DTX4: variants seen among roughly 807,000 people sequenced by gnomAD.
DTX4 encodes deltex E3 ubiquitin ligase 4.
A neutral mutation model predicts 57.6 loss-of-function variants in DTX4; 28 were observed. The observed-to-expected ratio is 0.49, with a 90% CI of 0.36 to 0.67. The LOEUF (loss-of-function observed/expected upper bound fraction) is 0.67, where lower values mean the gene tolerates loss of function less well. Ranked by LOEUF, DTX4 falls within the 30% of genes least tolerant of loss-of-function variation. The pLI is 0.00. For missense variants in DTX4, 715 were observed against 836.8 expected (o/e 0.85, Z 1.80); for synonymous variants, 316 against 331.0 (o/e 0.95, Z 0.49).
At position 59,188,753 on chromosome 11, in the gene DTX4, G is replaced by A. The variant is rs1364540002; in HGVS notation, c.954G>A (p.Val318=). Residue 318 remains valine (V), a synonymous_variant, in exon 3 of 9, where the codon GTG becomes GTA. Transcript: ENST00000227451. ...TTCACAGGGTCCCCACAGTCCCAGT[G>A]AAGAACCTAAATGGGTCCAGTCCTG... The part of the protein sequence containing the change: ...LIASGVPTVP[V]KNLNGSSPVN... 2 of 1,614,020 alleles carry A rather than the reference G, an allele frequency of 1.2e-6. No individual in the cohort carries two copies. Among genetic ancestry groups the A allele is most frequent in the Admixed American group, 1.7e-5 (1 of 60,026 alleles).
In DTX4 at chr11:59,172,805, G is replaced by A; in HGVS notation, c.210G>A (p.Thr70=). Residue 70 remains threonine, a splice_region_variant and synonymous_variant, in exon 1 of 9, where the codon ACG becomes ACA. Coordinates refer to ENST00000227451, the MANE Select transcript of DTX4 (RefSeq NM_015177.2). The part of the protein sequence containing the change: ...LQSMNQFRQD[T]GTLRPVRRNY... ...CCATGAACCAGTTCCGCCAAGACAC[G>A]GGTGAGCCAGCCGCCCCTGACCCCG... is the stretch of plus-strand genomic sequence containing the variant. 1 of 1,557,204 alleles carries A rather than the reference G, an allele frequency of 6.4e-7. No individual in the cohort carries two copies. Among genetic ancestry groups the A allele is most frequent in the African/African-American group, 1.4e-5 (1 of 72,026 alleles).
In DTX4 at chr11:59,206,443, GTGTT is replaced by G. The variant is rs1052443300; in HGVS notation, c.*1537_*1540del. 5.9e-5 allele frequency: 9 copies of G among 152,118 alleles called. No homozygotes were observed. The highest frequency in any genetic ancestry group is 2.2e-4 in the African/African-American group (9 of 41,186). The allele number at this position is 152,118 out of a possible 1,614,324, so 9.4% of individuals were successfully genotyped here. ...TTTGAAAGTGGGTTCTTTGAACTAT[GTGTT>G]TGGGGGAAGTTCCTCTGGATACTAA... On this transcript the variant is annotated 3_prime_UTR_variant, in exon 9 of 9. Transcript: ENST00000227451.
intron 6 of DTX4, 48 bp from the exon 7 acceptor site, chr11:59,195,160 T>C: frequency 4.4e-6 from 7 of 1,607,790 alleles, no homozygotes; most frequent in Non-Finnish European, 6.0e-6. Flanking sequence ...GGGAAAGTTA[T>C]TACCAAAACT....
At chr11:59,190,155 A>G (rs887339219) in intron 4 of DTX4, among the ~76,000 whole-genome samples, 4 of 152,206 alleles carry the variant, frequency 2.6e-5, no homozygotes, top group African/African-American at 9.7e-5. Flanking sequence ...TGCATGATCC[A>G]CTTCCTCAAA....
At chr11:59,199,874 C>A in intron 8 of DTX4, 101 bp downstream of exon 8, 1 of 936,578 alleles carries the variant, frequency 1.1e-6, no homozygotes, top group Non-Finnish European at 1.6e-6. Context: ...ATGCACAGAC[C>A]AAAGAGAACT....
chr11:59,179,671 T>C (rs868640991), intron 1 of DTX4, among the ~76,000 whole-genome samples: 14 of 152,190 alleles, frequency 9.2e-5, no homozygotes, highest in African/African-American at 3.4e-4. Context: ...CTCATTCTTC[T>C]TGGGTGTGGG....
intron 6 of DTX4, 96 bp downstream of exon 6, chr11:59,192,346 T>G: frequency 6.9e-7 from 1 of 1,458,978 alleles, no homozygotes; most frequent in Non-Finnish European, 9.5e-7. Flanking sequence ...TCAAGTGATC[T>G]GGGAAGTCTT....
chr11:59,182,231 C>G lies in DTX4; in HGVS notation c.704C>G (p.Ser235Cys). 1 of 1,609,876 alleles carries G rather than the reference C, an allele frequency of 6.2e-7. No individual in the cohort carries two copies. The highest frequency in any genetic ancestry group is 8.5e-7 in the Non-Finnish European group (1 of 1,177,864). Residue 235 changes from serine to cysteine, a missense_variant, in exon 2 of 9, where the codon TCT becomes TGT. By Grantham distance (112) the Ser-to-Cys change is moderately radical (BLOSUM62 -1). Transcript: ENST00000227451. ...GVVKLPPLPG[S>C]GAKPLDSTGT... is the part of the protein sequence containing the mutation. ...GTCAAGCTACCCCCACTGCCAGGCT[C>G]TGGGGCCAAGCCACTGGACAGCACA...
chr11:59,185,528 T>C lies in DTX4; in HGVS notation c.935+3066T>C, dbSNP rs57227212. On this transcript the variant is annotated intron_variant, in intron 2 of 8. Coordinates refer to ENST00000227451, the MANE Select transcript of DTX4 (RefSeq NM_015177.2). ...GGCTGATGGAGTTGCCTGAAGGATGTGAGATGCATGCCTGCCATTGGGTTG... is the reference window on the plus strand; with the variant it reads ...GGCTGATGGAGTTGCCTGAAGGATGCGAGATGCATGCCTGCCATTGGGTTG... Among the ~76,000 whole-genome samples the C allele has an allele frequency of 6.4e-3, 968 of 152,210 alleles. 10 individuals carry two copies. Among genetic ancestry groups the C allele is most frequent in the African/African-American group, 0.022 (893 of 41,520 alleles).
chr11:59,193,619 G>C (rs1444422421), intron 6 of DTX4, among the ~76,000 whole-genome samples: 1 of 151,944 alleles, frequency 6.6e-6, no homozygotes, highest in African/African-American at 2.4e-5. Context: ...TATTTCCATG[G>C]GGCTTTCAAA....
chr11:59,200,181 C>G (rs200052499), intron 8 of DTX4, among the ~76,000 whole-genome samples: 1 of 152,084 alleles, frequency 6.6e-6, no homozygotes, highest in Admixed American at 6.6e-5. Context: ...AAGGGGAAAC[C>G]CCTTATAAAA....
chr11:59,195,681 A>G (rs1862657686), intron 7 of DTX4, among the ~76,000 whole-genome samples: 1 of 152,036 alleles, frequency 6.6e-6, no homozygotes, highest in Non-Finnish European at 1.5e-5. Context: ...TAGTCTGTAG[A>G]TCTTTCCACA....
chr11:59,190,366 C>A (rs769908925), intron 4 of DTX4, among the ~76,000 whole-genome samples: 1 of 152,202 alleles, frequency 6.6e-6, no homozygotes, highest in Non-Finnish European at 1.5e-5. Flanking sequence ...CAAAGCAACC[C>A]TTTGAGGTAG....
At chr11:59,181,265 T>C (rs951905252) in intron 1 of DTX4, among the ~76,000 whole-genome samples, 1 of 152,190 alleles carries the variant, frequency 6.6e-6, no homozygotes, top group Non-Finnish European at 1.5e-5. Context: ...CCTTAGTGCA[T>C]TCATAGGGTT....
At chr11:59,187,949 T>C (rs1250432341) in intron 2 of DTX4, among the ~76,000 whole-genome samples, 3 of 152,258 alleles carry the variant, frequency 2.0e-5, no homozygotes, top group Non-Finnish European at 4.4e-5. Flanking sequence ...TTGCTACATC[T>C]GCAGCTTCTC....
In DTX4 at chr11:59,208,212, A is replaced by G. The variant is rs1480956510; in HGVS notation, c.*3303A>G. On this transcript the variant is annotated 3_prime_UTR_variant, in exon 9 of 9. Transcript: ENST00000227451. Reference sequence around the variant, plus strand: ...GTTGGCCTTCTGCTGTTTGTAGATTAGTGCACCTATCTGTGAGGGATTTGG... The same window carrying G: ...GTTGGCCTTCTGCTGTTTGTAGATTGGTGCACCTATCTGTGAGGGATTTGG... 6.6e-6 allele frequency: 1 copy of G among 152,562 alleles called. No homozygotes were observed. Among genetic ancestry groups the G allele is most frequent in the Non-Finnish European group, 1.5e-5 (1 of 68,026 alleles). The allele number at this position is 152,562 out of a possible 1,614,324, so 9.5% of individuals were successfully genotyped here.
intron 1 of DTX4, among the ~76,000 whole-genome samples, chr11:59,177,159 G>T (rs1225810571): frequency 6.6e-6 from 1 of 152,098 alleles, no homozygotes; most frequent in African/African-American, 2.4e-5. Context: ...GCACCTAATA[G>T]GTACAGGCAC....
intron 2 of DTX4, chr11:59,185,189 C>T (rs1239359123): frequency 6.6e-6 from 1 of 152,198 alleles, no homozygotes; most frequent in East Asian, 1.9e-4. Context: ...CTAGCCCCCT[C>T]CTCTAGAGCT....
In DTX4 at chr11:59,204,981, TAGA is replaced by T. The variant is rs892811624; in HGVS notation, c.*78_*80del. Reference sequence around the variant, plus strand: ...AGGAAGTGAGGAGAGTGAGTCAATGTAGAAGAAGTTGGTGTCCTGCCCTCCCAA... The same window carrying T: ...AGGAAGTGAGGAGAGTGAGTCAATGTAGAAGTTGGTGTCCTGCCCTCCCAA... On this transcript the variant is annotated 3_prime_UTR_variant, in exon 9 of 9. Coordinates refer to ENST00000227451, the MANE Select transcript of DTX4 (RefSeq NM_015177.2). The T allele has an allele frequency of 3.1e-5, 43 of 1,382,544 alleles. No individual in the cohort carries two copies. In the African/African-American group the frequency reaches 5.7e-4, roughly 18 times the overall value. 85.6% of individuals were successfully genotyped at this position (1,382,544 alleles called of 1,614,324 possible). A position where few individuals can be genotyped will look rare whatever the true frequency, so the allele number is the denominator to read the frequency against.
Sources: gnomAD v4.1 joint callset for allele counts (sites outside exome capture counted in the v4.1 genomes callset) on GRCh38, gnomAD v4.1.1 for gene constraint, MANE v1.5 for transcripts, NCBI Gene and HGNC (gene_info 2026-07-23, HGNC 2026-07-21) for gene names.